Variants in STPG2 observed in about 807,000 individuals in gnomAD.
STPG2 encodes sperm-tail PG-rich repeat-containing protein 2.
In STPG2, 56 loss-of-function variants were observed where a neutral mutation model predicts 54.2. The observed-to-expected ratio is 1.03, with a 90% CI of 0.83 to 1.29. The LOEUF is 1.29. Ranked by LOEUF, STPG2 falls within the 50% of genes most tolerant of loss-of-function variation. The pLI is 0.00. For missense variants in STPG2, 596 were observed against 544.9 expected, an observed-to-expected ratio of 1.09 and a Z score of -0.93; for synonymous variants, 200 against 181.8, an observed-to-expected ratio of 1.10 and a Z score of -0.81.
At chr4:98,072,259 G>A (rs13145011) in intron 5 of STPG2, among the ~76,000 whole-genome samples, 60,187 of 151,994 alleles carry the variant, frequency 0.4, 12,163 homozygotes, top group Middle Eastern at 0.46. Context: ...GTCCTTTGCG[G>A]GACATGAATG....
rs28728124 is a variant in STPG2 at position 98,079,965 on chromosome 4, G to A, written c.612+25988C>T. Among the ~76,000 whole-genome samples, 28 of 151,672 alleles carry A rather than the reference G, an allele frequency of 1.8e-4. No individual in the cohort carries two copies. The South Asian group carries it at 5.2e-3, about 28-fold the overall frequency. On this transcript the variant is annotated intron_variant, in intron 5 of 10. Transcript: ENST00000295268. ...TTATAGAGATGGTCATTTTACTTTC[G>A]GAAATATGCTGTGGGTAATACTTAA...
chr4:97,528,808 A>T (rs988456621), intron 4 of STPG2, among the ~76,000 whole-genome samples: 19 of 152,134 alleles, frequency 1.2e-4, no homozygotes, highest in African/African-American at 3.9e-4. Context: ...TTTATCTATT[A>T]TTGGTGTATA....
chr4:97,996,027 A>G (rs1358217590), intron 5 of STPG2, among the ~76,000 whole-genome samples: 1 of 152,216 alleles, frequency 6.6e-6, no homozygotes, highest in Admixed American at 6.5e-5. Context: ...CAATTTATAG[A>G]TTCAGTACTA....
chr4:97,910,522 C>T (rs931397136), intron 8 of STPG2, among the ~76,000 whole-genome samples: 3 of 152,110 alleles, frequency 2.0e-5, no homozygotes, highest in Admixed American at 2.0e-4. Flanking sequence ...CGTTTTTAAG[C>T]ACCAAATTGA....
chr4:97,740,798 T>G (rs1725199299), intron 9 of STPG2, among the ~76,000 whole-genome samples: 1 of 152,198 alleles, frequency 6.6e-6, no homozygotes, highest in Non-Finnish European at 1.5e-5. Context: ...CAAGGTAATT[T>G]ATACATTCAA....
intron 10 of STPG2, among the ~76,000 whole-genome samples, chr4:97,708,572 T>A (rs950089916): frequency 6.6e-6 from 1 of 151,920 alleles, no homozygotes; most frequent in African/African-American, 2.4e-5. Flanking sequence ...AGATCAGGTA[T>A]AAAACTATCT....
intron 4 of STPG2, among the ~76,000 whole-genome samples, chr4:97,487,905 T>A (rs1480966985): frequency 6.6e-6 from 1 of 151,520 alleles, no homozygotes; most frequent in African/African-American, 2.4e-5. Context: ...TAATTTGCAA[T>A]TTATTTTAAT....
At chr4:97,496,780 C>A (rs1180155968) in intron 4 of STPG2, among the ~76,000 whole-genome samples, 1 of 151,638 alleles carries the variant, frequency 6.6e-6, no homozygotes, top group Non-Finnish European at 1.5e-5. Flanking sequence ...TACAAATGTA[C>A]CTTTGGTTAT....
chr4:97,666,778 T>C (rs1722541775), intron 10 of STPG2, among the ~76,000 whole-genome samples: 1 of 152,228 alleles, frequency 6.6e-6, no homozygotes, highest in Admixed American at 6.5e-5. Context: ...AGAGGTTAAC[T>C]AATCTGACCA....
At chr4:97,593,290 A>T (rs750099824) in intron 10 of STPG2, among the ~76,000 whole-genome samples, 2 of 152,052 alleles carry the variant, frequency 1.3e-5, no homozygotes, top group Non-Finnish European at 2.9e-5. Context: ...GCCAGCAAGC[A>T]CTTGTCCACA....
intron 6 of STPG2, among the ~76,000 whole-genome samples, chr4:97,973,501 G>T (rs1734404233): frequency 6.6e-6 from 1 of 152,196 alleles, no homozygotes; most frequent in Admixed American, 6.5e-5. Flanking sequence ...AGAAATTCAA[G>T]CTGGCTGCAG....
intron 5 of STPG2, among the ~76,000 whole-genome samples, chr4:98,058,179 A>G (rs1737537236): frequency 6.6e-6 from 1 of 152,186 alleles, no homozygotes; most frequent in South Asian, 2.1e-4. Flanking sequence ...ATCGGCTAAC[A>G]TCATGATGGC....
At chr4:97,689,642 TAGAG>T (rs771716494) in intron 10 of STPG2, among the ~76,000 whole-genome samples, 3 of 152,208 alleles carry the variant, frequency 2.0e-5, no homozygotes, top group East Asian at 1.9e-4. Context: ...CAAGGCACAA[TAGAG>T]AGAATGAATG....
chr4:97,872,625 A>C (rs891378154), intron 8 of STPG2, among the ~76,000 whole-genome samples: 3 of 151,396 alleles, frequency 2.0e-5, no homozygotes, highest in Non-Finnish European at 3.0e-5. Flanking sequence ...ATTAGATTTC[A>C]AAATATGGAA....
chr4:97,729,063 TTCTCTC>T lies in STPG2; in HGVS notation c.1205-16255_1205-16250del, dbSNP rs57186071. ...CCACTGATGACAAGGCCCCAAGAAT[TTCTCTC>T]TCTCTCTCTCTCTCTCTCTCTCTCT... On this transcript the variant is annotated intron_variant, in intron 9 of 10. Coordinates refer to ENST00000295268, the MANE Select transcript of STPG2 (RefSeq NM_174952.3). Among the ~76,000 whole-genome samples, 96 of 124,772 alleles carry T rather than the reference TTCTCTC, an allele frequency of 7.7e-4. 1 individual carries two copies. Among genetic ancestry groups the T allele is most frequent in the Non-Finnish European group, 8.6e-4 (50 of 58,086 alleles). The allele number at this position is 124,772 out of a possible 152,430, so 81.9% of individuals were successfully genotyped here.
intron 5 of STPG2, among the ~76,000 whole-genome samples, chr4:98,013,850 TTC>T (rs1327402378): frequency 1.3e-5 from 2 of 152,102 alleles, no homozygotes; most frequent in African/African-American, 4.8e-5. Flanking sequence ...TATTTCATTC[TTC>T]TCTCTTTTCT....
chr4:97,822,468 C>T (rs2149105723), intron 9 of STPG2, among the ~76,000 whole-genome samples: 1 of 152,290 alleles, frequency 6.6e-6, no homozygotes. Context: ...AAGTTCCTTC[C>T]TCATTTAAAG....
At chr4:97,476,305 T>C (rs1730069443) in intron 4 of STPG2, among the ~76,000 whole-genome samples, 1 of 152,280 alleles carries the variant, frequency 6.6e-6, no homozygotes, top group East Asian at 1.9e-4. Flanking sequence ...TGGGACATTA[T>C]AATGCCTAGT....
At chr4:97,953,730 T>G (rs1428335883) in intron 7 of STPG2, among the ~76,000 whole-genome samples, 1 of 152,232 alleles carries the variant, frequency 6.6e-6, no homozygotes, top group Non-Finnish European at 1.5e-5. Flanking sequence ...AGTTGGGGTG[T>G]GTATCCTGGA....
Sources: gnomAD v4.1 joint callset for allele counts (sites outside exome capture counted in the v4.1 genomes callset) on GRCh38, gnomAD v4.1.1 for gene constraint, MANE v1.5 for transcripts, NCBI Gene and HGNC (gene_info 2026-07-23, HGNC 2026-07-21) for gene names.